MYT1L: variants seen among roughly 807,000 people sequenced by gnomAD.
The protein encoded by MYT1L is myelin transcription factor 1 like, also known as myelin transcription factor 1-like protein.
A neutral mutation model predicts 126.7 loss-of-function variants in MYT1L; 12 were observed. The observed-to-expected ratio is 0.09, with a 90% confidence interval of 0.06 to 0.15. The LOEUF is 0.15. Ranked by LOEUF, MYT1L falls within the 10% of genes least tolerant of loss-of-function variation. The probability of loss-of-function intolerance (pLI) is 1.00; values close to 1 mark genes in which losing one functional copy is unlikely to be tolerated. For missense variants in MYT1L, 979 were observed against 1,585.2 expected (o/e 0.62, Z 6.49); for synonymous variants, 541 against 604.2 (o/e 0.90, Z 1.53).
At chr2:2,329,457 ATT>A (rs2096271661) in intron 1 of MYT1L, among the ~76,000 whole-genome samples, 1 of 144,256 alleles carries the variant, frequency 6.9e-6, no homozygotes, top group Non-Finnish European at 1.5e-5. Context: ...CAGATCTCAT[ATT>A]ACTGATTCTT....
At chr2:2,120,478 T>G (rs2080841276) in intron 3 of MYT1L, among the ~76,000 whole-genome samples, 1 of 152,178 alleles carries the variant, frequency 6.6e-6, no homozygotes, top group Non-Finnish European at 1.5e-5. Flanking sequence ...CTTTTTTATT[T>G]ATTTTTATTT....
intron 3 of MYT1L, among the ~76,000 whole-genome samples, chr2:2,075,209 G>A (rs979951236): frequency 6.6e-6 from 1 of 152,172 alleles, no homozygotes; most frequent in African/African-American, 2.4e-5. Context: ...CATGGTGATC[G>A]GCCTTTTTGG....
intron 18 of MYT1L, among the ~76,000 whole-genome samples, chr2:1,881,642 G>A (rs2047563350): frequency 6.6e-6 from 1 of 152,156 alleles, no homozygotes. Context: ...TCAGCTGATT[G>A]TGAGGAGTGG....
intron 3 of MYT1L, among the ~76,000 whole-genome samples, chr2:2,056,850 T>C (rs944072512): frequency 6.6e-6 from 1 of 152,254 alleles, no homozygotes; most frequent in Non-Finnish European, 1.5e-5. Context: ...TTTCTCCTCA[T>C]CCACCCTTCC....
intron 3 of MYT1L, among the ~76,000 whole-genome samples, chr2:2,079,211 A>G (rs1188408189): frequency 6.6e-6 from 1 of 152,242 alleles, no homozygotes; most frequent in Non-Finnish European, 1.5e-5. Flanking sequence ...AATAAAAAAT[A>G]CAAAAATAAA....
intron 1 of MYT1L, among the ~76,000 whole-genome samples, chr2:2,309,014 A>G (rs1327124991): frequency 6.6e-6 from 1 of 151,696 alleles, no homozygotes; most frequent in East Asian, 1.9e-4. Flanking sequence ...CACTCTACCT[A>G]TACTACCCCT....
At chr2:1,941,040 C>T (rs1309396562) in intron 9 of MYT1L, among the ~76,000 whole-genome samples, 1 of 152,190 alleles carries the variant, frequency 6.6e-6, no homozygotes, top group Non-Finnish European at 1.5e-5. Flanking sequence ...CAATTATATC[C>T]TAAGTGTTCA....
intron 2 of MYT1L, among the ~76,000 whole-genome samples, chr2:2,260,837 C>T (rs2094946364): frequency 6.6e-6 from 1 of 152,158 alleles, no homozygotes; most frequent in South Asian, 2.1e-4. Context: ...GGCTGCTCAT[C>T]GGTGACCTGG....
At chr2:2,214,811 T>G (rs6731632) in intron 2 of MYT1L, among the ~76,000 whole-genome samples, 34 of 152,158 alleles carry the variant, frequency 2.2e-4, no homozygotes, top group African/African-American at 8.0e-4. Context: ...TATGGATAAA[T>G]GCATCATATA....
chr2:2,270,373 T>C (rs1445551318), intron 2 of MYT1L, among the ~76,000 whole-genome samples: 1 of 152,176 alleles, frequency 6.6e-6, no homozygotes, highest in Non-Finnish European at 1.5e-5. Context: ...TCACATTCCT[T>C]TAGTCATGAG....
At chr2:2,099,433 G>T (rs1226471332) in intron 3 of MYT1L, among the ~76,000 whole-genome samples, 1 of 151,998 alleles carries the variant, frequency 6.6e-6, no homozygotes, top group Non-Finnish European at 1.5e-5. Flanking sequence ...AAGGCTCATG[G>T]CAAACAGGTC....
At chr2:2,042,415 G>A (rs984382574) in intron 4 of MYT1L, among the ~76,000 whole-genome samples, 1 of 152,142 alleles carries the variant, frequency 6.6e-6, no homozygotes, top group South Asian at 2.1e-4. Context: ...TTTCAAATAA[G>A]CCTTGTGATA....
At chr2:1,844,850 G>T (rs1017339274) in intron 19 of MYT1L, among the ~76,000 whole-genome samples, 1 of 152,068 alleles carries the variant, frequency 6.6e-6, no homozygotes, top group South Asian at 2.1e-4. Context: ...GGGTTCATTT[G>T]CAGGCCCTTC....
At chr2:2,236,757 T>C (rs1435121520) in intron 2 of MYT1L, among the ~76,000 whole-genome samples, 1 of 132,594 alleles carries the variant, frequency 7.5e-6, no homozygotes, top group Non-Finnish European at 1.6e-5. Flanking sequence ...TTGGTTGTCC[T>C]TTCTTCTTCT....
intron 2 of MYT1L, among the ~76,000 whole-genome samples, chr2:2,250,559 A>AC (rs1335408027): frequency 1.5e-5 from 2 of 136,014 alleles, no homozygotes; most frequent in African/African-American, 5.4e-5. Context: ...GTGAAAGGGT[A>AC]CAAAAAAAAA....
intron 8 of MYT1L, among the ~76,000 whole-genome samples, chr2:1,954,967 A>T (rs776452420): frequency 2.0e-5 from 3 of 151,588 alleles, no homozygotes; most frequent in African/African-American, 7.3e-5. Flanking sequence ...GAGAGAGAGA[A>T]AGAAAGAAAA....
At chr2:1,799,085 T>C (rs990356620) in intron 23 of MYT1L, among the ~76,000 whole-genome samples, 11 of 152,206 alleles carry the variant, frequency 7.2e-5, no homozygotes, top group African/African-American at 2.6e-4. Context: ...CGCATTCCCA[T>C]CCCTTCTAGA....
At position 1,886,567 on chromosome 2, in the gene MYT1L, T is replaced by G. The variant is rs1215965834; in HGVS notation, c.2683A>C (p.Met895Leu). 1 of 1,577,744 alleles carries G rather than the reference T, an allele frequency of 6.3e-7. No individual in the cohort carries two copies. Among genetic ancestry groups the G allele is most frequent in the Non-Finnish European group, 8.6e-7 (1 of 1,162,394 alleles). ...AGTTCTTGGGAGCTGGTGGCCAGCA[T>G]ACTTCGAATGCTTTTGTCCGCCAGG... is the stretch of plus-strand genomic sequence containing the variant. ...CPLADKSIRS[M>L]LATSSQELKC... The change falls in exon 18 of 25, where the codon ATG (methionine) becomes CTG (leucine). Residue 895 changes from methionine (M) to leucine (L), a missense_variant. Met to Leu is a conservative substitution (Grantham distance 15, BLOSUM62 2). Transcript: ENST00000647738.
chr2:1,826,370 G>C (rs1159189334), intron 21 of MYT1L, among the ~76,000 whole-genome samples: 3 of 152,196 alleles, frequency 2.0e-5, no homozygotes, highest in African/African-American at 7.2e-5. Context: ...GGGAGGGCTG[G>C]GGGGCGGGCG....
Sources: allele counts gnomAD v4.1 joint callset (sites outside exome capture counted in the v4.1 genomes callset), GRCh38; gene constraint gnomAD v4.1.1; transcripts MANE v1.5; gene names NCBI Gene and HGNC (gene_info 2026-07-23, HGNC 2026-07-21).